OR6N1: variants seen among roughly 807,000 people sequenced by gnomAD.
The protein encoded by OR6N1 is olfactory receptor family 6 subfamily N member 1.
For synonymous variants in OR6N1, 170 were observed against 150.7 expected, an observed-to-expected ratio of 1.13 and a Z score of -0.94; for missense variants, 394 against 371.7, an observed-to-expected ratio of 1.06 and a Z score of -0.49.
At chr1:158,786,697 A>G in the OR6N1 span, among the ~76,000 whole-genome samples, 1 of 152,236 alleles carries the variant, frequency 6.6e-6, no homozygotes, top group Non-Finnish European at 1.5e-5. Flanking sequence ...TGTTATTTGC[A>G]GCAAGTTGGA....
At chr1:158,800,795 G>T in the OR6N1 span, among the ~76,000 whole-genome samples, 1 of 152,142 alleles carries the variant, frequency 6.6e-6, no homozygotes, top group Non-Finnish European at 1.5e-5. Context: ...ATTTTAAAAG[G>T]TTGTCCAGAG....
the OR6N1 span, among the ~76,000 whole-genome samples, chr1:158,787,588 TTCTC>T: frequency 6.3e-5 from 8 of 126,020 alleles, no homozygotes; most frequent in Non-Finnish European, 1.0e-4. Context: ...TGTATATACT[TTCTC>T]TCTCTCTCTC....
intron 1 of OR6N1, among the ~76,000 whole-genome samples, chr1:158,768,290 A>C (rs983075286): frequency 6.6e-6 from 1 of 152,148 alleles, no homozygotes; most frequent in African/African-American, 2.4e-5. Flanking sequence ...CCAGACTCAT[A>C]TATTTCACTG....
Position 158,764,951 on chromosome 1 carries a change from T to C in OR6N1, c.*793A>G, listed in dbSNP as rs1337897996. On this transcript the variant is annotated 3_prime_UTR_variant, in exon 2 of 2. Transcript: ENST00000641846. Reference sequence around the variant, plus strand: ...ATACTATACAAGTATTCCTTCTGGCTGGTTTGCTCCTTTCCTTTGGAGAAA... The same window carrying C: ...ATACTATACAAGTATTCCTTCTGGCCGGTTTGCTCCTTTCCTTTGGAGAAA... The C allele has an allele frequency of 6.6e-6, 1 of 152,092 alleles. No homozygotes were observed. The highest frequency in any genetic ancestry group is 1.5e-5 in the Non-Finnish European group (1 of 67,982). 9.4% of individuals were successfully genotyped at this position (152,092 alleles called of 1,614,324 possible). A position where few individuals can be genotyped will look rare whatever the true frequency, so the allele number is the denominator to read the frequency against.
the OR6N1 span, among the ~76,000 whole-genome samples, chr1:158,791,618 C>T: frequency 4.0e-5 from 6 of 151,848 alleles, no homozygotes; most frequent in East Asian, 1.9e-4. Flanking sequence ...TACAGGCATG[C>T]GCTACCACAT....
chr1:158,810,743 T>C, the OR6N1 span, among the ~76,000 whole-genome samples: 22 of 152,306 alleles, frequency 1.4e-4, no homozygotes, highest in Admixed American at 1.3e-3. Flanking sequence ...TAAAAATTAC[T>C]TTGCAAAAAG....
the OR6N1 span, among the ~76,000 whole-genome samples, chr1:158,800,002 G>A: frequency 1.3e-5 from 2 of 152,028 alleles, no homozygotes; most frequent in Non-Finnish European, 2.9e-5. Flanking sequence ...GAAGCCAAAA[G>A]GTATACTGGA....
intron 1 of OR6N1, among the ~76,000 whole-genome samples, chr1:158,768,782 CTGCAGTG>C (rs1205075243): frequency 6.6e-6 from 1 of 152,228 alleles, no homozygotes; most frequent in Non-Finnish European, 1.5e-5. Flanking sequence ...CCCTATATAA[CTGCAGTG>C]TGCCTCCATC....
Position 158,766,440 on chromosome 1 carries a change from C to G in OR6N1, c.243G>C (p.Met81Ile). ...TTTTCTCACTGAGCAAGTTTGCCAG[C>G]ATCTTAGGGATGGTGGCAGCTGTAT... ...LGYTAATIPK[M>I]LANLLSEKKT... is the part of the protein sequence containing the mutation. The change falls in exon 2 of 2, where the codon ATG becomes ATC. Residue 81 changes from methionine to isoleucine, a missense_variant. Physicochemically the swap from Met to Ile is conservative, Grantham distance 10 (BLOSUM62 1). Transcript: ENST00000641846. The G allele has an allele frequency of 1.8e-5, 29 of 1,614,116 alleles. No homozygotes were observed. The highest frequency in any genetic ancestry group is 2.5e-5 in the Non-Finnish European group (29 of 1,179,994).
At chr1:158,775,309 A>C (rs2102013335), upstream of OR6N1, 1 of 152,310 alleles carries the variant, frequency 6.6e-6, no homozygotes, top group South Asian at 2.1e-4. Context: ...AGTGAACCAA[A>C]TGAAATGTTG....
chr1:158,766,778 A>G (rs1289640485), intron 1 of OR6N1, 78 bp from the exon 2 acceptor site: 5 of 845,400 alleles, frequency 5.9e-6, no homozygotes, highest in Non-Finnish European at 9.0e-6. Context: ...TCAAATTACT[A>G]TTGCCCTCCC....
At chr1:158,788,708 G>T in the OR6N1 span, among the ~76,000 whole-genome samples, 1 of 151,950 alleles carries the variant, frequency 6.6e-6, no homozygotes, top group African/African-American at 2.4e-5. Flanking sequence ...ATATACACTA[G>T]GTTAATGTTT....
At chr1:158,833,043 ACT>A in the OR6N1 span, among the ~76,000 whole-genome samples, 16 of 152,032 alleles carry the variant, frequency 1.1e-4, no homozygotes, top group African/African-American at 3.9e-4. Flanking sequence ...CCCTTAGCAA[ACT>A]CTCACATCTT....
At chr1:158,795,516 C>T in the OR6N1 span, among the ~76,000 whole-genome samples, 2 of 152,328 alleles carry the variant, frequency 1.3e-5, no homozygotes, top group East Asian at 3.9e-4. Flanking sequence ...GTGACCACTG[C>T]CTGATGCCAG....
chr1:158,827,383 CT>C, the OR6N1 span, among the ~76,000 whole-genome samples: 3 of 152,174 alleles, frequency 2.0e-5, no homozygotes, highest in Admixed American at 6.5e-5. Flanking sequence ...TTTTAATCAA[CT>C]GCTTAAAAAG....
the OR6N1 span, chr1:158,831,681 G>T: frequency 6.6e-6 from 1 of 152,172 alleles, no homozygotes; most frequent in South Asian, 2.1e-4. Flanking sequence ...AGAAAACTGA[G>T]AACTGAATGC....
At chr1:158,780,738 C>G in the OR6N1 span, among the ~76,000 whole-genome samples, 4 of 152,138 alleles carry the variant, frequency 2.6e-5, no homozygotes, top group Admixed American at 2.6e-4. Flanking sequence ...GTAGAATTAT[C>G]GTTCATTGGG....
the OR6N1 span, among the ~76,000 whole-genome samples, chr1:158,816,681 C>T: frequency 6.6e-6 from 1 of 152,186 alleles, no homozygotes; most frequent in Non-Finnish European, 1.5e-5. Flanking sequence ...AGAGCCAGAT[C>T]CTGTCTCAAA....
upstream of OR6N1, chr1:158,774,205 A>G (rs11265070): frequency 0.065 from 9,969 of 152,304 alleles, 542 homozygotes; most frequent in South Asian, 0.32. Flanking sequence ...AAATGACTGT[A>G]TATAGCAAAA....
Sources: allele counts gnomAD v4.1 joint callset (sites outside exome capture counted in the v4.1 genomes callset), GRCh38; gene constraint gnomAD v4.1.1; transcripts MANE v1.5; gene names NCBI Gene and HGNC (gene_info 2026-07-23, HGNC 2026-07-21).